RABGAP1L: variants seen among roughly 807,000 people sequenced by gnomAD.
RABGAP1L encodes RAB GTPase activating protein 1 like, also known as rab GTPase-activating protein 1-like.
Under a neutral mutation model 137.7 loss-of-function variants are expected in RABGAP1L, and 63 were observed. That is an observed-to-expected ratio of 0.46 (90% CI 0.37 to 0.56). The LOEUF (loss-of-function observed/expected upper bound fraction) is 0.56, where lower values mean the gene tolerates loss of function less well. Among genes scored for constraint, RABGAP1L ranks in the 20% least tolerant of loss-of-function variants. The probability of loss-of-function intolerance (pLI) is 0.00; values close to 1 mark genes in which losing one functional copy is unlikely to be tolerated. For synonymous variants in RABGAP1L, 431 were observed against 433.7 expected (o/e 0.99, Z 0.08); for missense variants, 1,095 against 1,244.0 (o/e 0.88, Z 1.80).
At chr1:174,324,153 T>G (rs2148837159) in intron 11 of RABGAP1L, among the ~76,000 whole-genome samples, 1 of 152,268 alleles carries the variant, frequency 6.6e-6, no homozygotes, top group East Asian at 1.9e-4. Context: ...AAGAGCTAAA[T>G]TAGATCAATA....
At chr1:174,888,686 T>A (rs1655590332) in intron 19 of RABGAP1L, among the ~76,000 whole-genome samples, 1 of 152,022 alleles carries the variant, frequency 6.6e-6, no homozygotes, top group Non-Finnish European at 1.5e-5. Context: ...TTAGTAGAGA[T>A]GAGGTTTCCC....
chr1:174,844,039 T>G (rs1693782485), intron 19 of RABGAP1L, among the ~76,000 whole-genome samples: 1 of 150,622 alleles, frequency 6.6e-6, no homozygotes, highest in South Asian at 2.1e-4. Flanking sequence ...TTGAGAAGTG[T>G]CTGTTCATGT....
intron 18 of RABGAP1L, among the ~76,000 whole-genome samples, chr1:174,763,061 C>G (rs139161617): frequency 6.6e-6 from 1 of 151,558 alleles, no homozygotes; most frequent in Admixed American, 6.6e-5. Flanking sequence ...GTGATCCACC[C>G]GCCTTGGCCT....
chr1:174,715,490 C>G (rs941743941), intron 17 of RABGAP1L, among the ~76,000 whole-genome samples: 1 of 152,202 alleles, frequency 6.6e-6, no homozygotes, highest in African/African-American at 2.4e-5. Flanking sequence ...GCAGGCTTTA[C>G]TGGAGAGTAT....
chr1:174,241,033 A>T (rs1671770886), intron 4 of RABGAP1L, among the ~76,000 whole-genome samples: 1 of 152,058 alleles, frequency 6.6e-6, no homozygotes, highest in African/African-American at 2.4e-5. Context: ...TAAGATAGTT[A>T]TGTTTGGCCA....
intron 14 of RABGAP1L, among the ~76,000 whole-genome samples, chr1:174,652,772 G>T (rs1471306976): frequency 1.3e-5 from 2 of 152,148 alleles, no homozygotes; most frequent in Non-Finnish European, 2.9e-5. Context: ...GAGGCACAGG[G>T]GTCTGGAACC....
At chr1:174,506,921 C>T (rs1270012862) in intron 13 of RABGAP1L, among the ~76,000 whole-genome samples, 1 of 152,096 alleles carries the variant, frequency 6.6e-6, no homozygotes, top group Admixed American at 6.6e-5. Context: ...CCACCCTGGG[C>T]AACATGGCGA....
intron 13 of RABGAP1L, among the ~76,000 whole-genome samples, chr1:174,457,173 C>T (rs1443971763): frequency 6.6e-6 from 1 of 152,070 alleles, no homozygotes; most frequent in Admixed American, 6.6e-5. Context: ...AATATTTAGC[C>T]ATGTGTTTGG....
At chr1:174,438,744 G>GTATATATATATATA (rs71117563) in intron 13 of RABGAP1L, among the ~76,000 whole-genome samples, 1,514 of 95,090 alleles carry the variant, frequency 0.016, 39 homozygotes, top group African/African-American at 0.038. Flanking sequence ...GTGTGTGTGT[G>GTATATATATATATA]TATATATATA....
chr1:174,381,441 A>T (rs1686150355), intron 12 of RABGAP1L, among the ~76,000 whole-genome samples: 1 of 115,450 alleles, frequency 8.7e-6, no homozygotes, highest in Non-Finnish European at 1.7e-5. Context: ...TTTGTAGGTC[A>T]CTCAGGACTT....
intron 13 of RABGAP1L, among the ~76,000 whole-genome samples, chr1:174,617,193 A>G (rs185930259): frequency 5.3e-5 from 8 of 152,358 alleles, no homozygotes; most frequent in African/African-American, 1.7e-4. Context: ...CTAGACTGCT[A>G]TTTATGATTT....
intron 1 of RABGAP1L, among the ~76,000 whole-genome samples, chr1:174,183,646 G>T (rs542804789): frequency 6.6e-6 from 1 of 152,204 alleles, no homozygotes; most frequent in East Asian, 1.9e-4. Flanking sequence ...GTTTATATTA[G>T]ATTTCACTAT....
At chr1:174,517,620 T>C (rs1662983469) in intron 13 of RABGAP1L, among the ~76,000 whole-genome samples, 1 of 152,172 alleles carries the variant, frequency 6.6e-6, no homozygotes, top group Non-Finnish European at 1.5e-5. Context: ...GGTAAAAAAA[T>C]CAACTATAGC....
At chr1:174,215,752 G>A (rs1669259622) in intron 1 of RABGAP1L, among the ~76,000 whole-genome samples, 1 of 152,090 alleles carries the variant, frequency 6.6e-6, no homozygotes, top group South Asian at 2.1e-4. Context: ...GCACTATGAA[G>A]AACAGTTTAT....
intron 13 of RABGAP1L, among the ~76,000 whole-genome samples, chr1:174,623,512 A>C (rs1672705731): frequency 6.6e-6 from 1 of 152,212 alleles, no homozygotes; most frequent in Non-Finnish European, 1.5e-5. Flanking sequence ...CAAGGGAAGA[A>C]ACACAAAGGG....
At chr1:174,827,717 A>T (rs942962295) in intron 19 of RABGAP1L, among the ~76,000 whole-genome samples, 2 of 147,270 alleles carry the variant, frequency 1.4e-5, no homozygotes, top group Admixed American at 6.8e-5. Context: ...CTATCAGCCC[A>T]CTTGGTTGGC....
chr1:174,285,520 G>GT (rs371710435), intron 10 of RABGAP1L, among the ~76,000 whole-genome samples: 19,900 of 140,766 alleles, frequency 0.14, 1,414 homozygotes, highest in Middle Eastern at 0.31. Context: ...TGTTCTAACC[G>GT]TTTTTTTTTT....
intron 13 of RABGAP1L, among the ~76,000 whole-genome samples, chr1:174,443,502 T>A (rs899723440): frequency 7.2e-5 from 11 of 152,144 alleles, no homozygotes; most frequent in Admixed American, 3.3e-4. Context: ...CATATAACTC[T>A]TGGCAATTTC....
intron 15 of RABGAP1L, among the ~76,000 whole-genome samples, chr1:174,691,796 A>C (rs1261731439): frequency 6.6e-6 from 1 of 152,176 alleles, no homozygotes; most frequent in Non-Finnish European, 1.5e-5. Context: ...AGCATTAATC[A>C]TTGTAATAAG....
Sources: gnomAD v4.1 joint callset for allele counts (sites outside exome capture counted in the v4.1 genomes callset) on GRCh38, gnomAD v4.1.1 for gene constraint, MANE v1.5 for transcripts, NCBI Gene and HGNC (gene_info 2026-07-23, HGNC 2026-07-21) for gene names.